CUEDC1: variants seen among roughly 807,000 people sequenced by gnomAD.
CUEDC1 encodes the protein CUE domain containing 1.
CUEDC1 carries 30 observed loss-of-function variants against 43.7 expected under a neutral mutation model. That is an observed-to-expected ratio of 0.69 (90% confidence interval 0.51 to 0.93). CUEDC1 has a LOEUF of 0.93. Ranked by LOEUF, CUEDC1 falls within the 40% of genes least tolerant of loss-of-function variation. The pLI, the probability that CUEDC1 is intolerant of heterozygous loss-of-function variation, is 0.00. For synonymous variants in CUEDC1, 223 were observed against 223.6 expected, an observed-to-expected ratio of 1.00 and a Z score of 0.02; for missense variants, 486 against 549.0, an observed-to-expected ratio of 0.89 and a Z score of 1.15.
intron 10 of CUEDC1, among the ~76,000 whole-genome samples, chr17:57,866,149 G>A (rs2073954372): frequency 6.6e-6 from 1 of 152,172 alleles, no homozygotes; most frequent in South Asian, 2.1e-4. Flanking sequence ...TCCTCTCAGT[G>A]TGCTACGTGT....
intron 1 of CUEDC1, among the ~76,000 whole-genome samples, chr17:57,903,547 G>A (rs1157765255): frequency 6.6e-6 from 1 of 152,164 alleles, no homozygotes; most frequent in African/African-American, 2.4e-5. Flanking sequence ...GTGGAAGTCA[G>A]CTTAGACAGG....
intron 1 of CUEDC1, among the ~76,000 whole-genome samples, chr17:57,918,448 G>C (rs1029453100): frequency 1.3e-5 from 2 of 152,210 alleles, no homozygotes. Context: ...AAGAGACAAC[G>C]GAAGAATGCA....
At chr17:57,951,498 G>T (rs1461072962) in intron 1 of CUEDC1, among the ~76,000 whole-genome samples, 1 of 151,670 alleles carries the variant, frequency 6.6e-6, no homozygotes, top group Non-Finnish European at 1.5e-5. Context: ...TCACTCTGTT[G>T]TCCAGGCTAG....
Position 57,885,461 on chromosome 17 carries a change from T to C in CUEDC1, c.104A>G (p.Asn35Ser). ...GCGCACCTGGCGGGCAGGCCGGCTG[T>C]TGTTGAGCTCCTGGGGGGCGGCCGT... The part of the protein sequence containing the change: ...GGTAAPQELN[N>S]SRPARQVRRL... The change falls in exon 2 of 11, where the codon AAC (asparagine) becomes AGC (serine). Residue 35 changes from asparagine to serine, a missense_variant. Transcript: ENST00000577830. 6.3e-7 allele frequency: 1 copy of C among 1,592,822 alleles called. No homozygotes were observed. Among genetic ancestry groups the C allele is most frequent in the South Asian group, 1.1e-5 (1 of 88,126 alleles).
intron 1 of CUEDC1, among the ~76,000 whole-genome samples, chr17:57,941,531 G>A (rs933306575): frequency 5.3e-5 from 8 of 152,194 alleles, no homozygotes; most frequent in Non-Finnish European, 1.5e-5. Context: ...AAAGGTGTCT[G>A]CTGTATGCCA....
chr17:57,868,044 G>T, intron 8 of CUEDC1, 106 bp downstream of exon 8: 2 of 904,898 alleles, frequency 2.2e-6, no homozygotes, highest in South Asian at 1.4e-5. Flanking sequence ...CACAGAGCCG[G>T]GTTCCACTCC....
intron 6 of CUEDC1, 33 bp from the exon 7 acceptor site, chr17:57,869,226 C>T (rs752557322): frequency 8.1e-6 from 13 of 1,600,238 alleles, no homozygotes; most frequent in East Asian, 2.2e-5. Context: ...GGCCGGCCAC[C>T]GTGGCCAGCC....
intron 1 of CUEDC1, among the ~76,000 whole-genome samples, chr17:57,929,000 C>A (rs1471984887): frequency 6.9e-6 from 1 of 145,834 alleles, no homozygotes; most frequent in African/African-American, 2.7e-5. Flanking sequence ...CAGAAATTAG[C>A]AGGCGGGGAA....
rs200297581 is a variant in CUEDC1, at chr17:57,873,740, G to A, written c.465-23C>T. 1.5e-4 allele frequency: 234 copies of A among 1,540,662 alleles called. No individual in the cohort carries two copies. The African/African-American group carries it at 2.7e-3, about 18-fold the overall frequency. On this transcript the variant is annotated intron_variant, in intron 3 of 10. Coordinates refer to ENST00000577830, the MANE Select transcript of CUEDC1 (RefSeq NM_001271875.2). ...ATACTAGGGGATGGCAGGTGACAGG[G>A]AAGAGGAAGTCATTAAGCCCAACCC...
intron 1 of CUEDC1, among the ~76,000 whole-genome samples, chr17:57,911,793 CA>C (rs1310755873): frequency 6.6e-6 from 1 of 152,194 alleles, no homozygotes; most frequent in African/African-American, 2.4e-5. Flanking sequence ...AGGCATGAGC[CA>C]CCGTGCCCGT....
chr17:57,865,650 G>A (rs141822099), intron 10 of CUEDC1, among the ~76,000 whole-genome samples: 265 of 152,206 alleles, frequency 1.7e-3, no homozygotes, highest in African/African-American at 6.1e-3. Flanking sequence ...GGGTGCACAG[G>A]AAGCGAGGAG....
intron 1 of CUEDC1, among the ~76,000 whole-genome samples, chr17:57,943,070 T>G (rs763226115): frequency 2.0e-5 from 3 of 152,126 alleles, no homozygotes; most frequent in Non-Finnish European, 4.4e-5. Flanking sequence ...ATATGTGAAT[T>G]TTACCAGTAG....
At chr17:57,887,950 G>A (rs2074314821) in intron 1 of CUEDC1, among the ~76,000 whole-genome samples, 1 of 146,022 alleles carries the variant, frequency 6.8e-6, no homozygotes, top group Non-Finnish European at 1.5e-5. Flanking sequence ...GCCCAGGCCG[G>A]AGTGCAGTGG....
chr17:57,921,401 C>A (rs1386721930), intron 1 of CUEDC1, among the ~76,000 whole-genome samples: 1 of 152,214 alleles, frequency 6.6e-6, no homozygotes, highest in African/African-American at 2.4e-5. Context: ...CACCCTCACT[C>A]ATTCCATTCC....
intron 1 of CUEDC1, among the ~76,000 whole-genome samples, chr17:57,912,773 T>C (rs1348230800): frequency 6.6e-6 from 1 of 152,180 alleles, no homozygotes; most frequent in Non-Finnish European, 1.5e-5. Context: ...TCTAAACGTA[T>C]ACAGGCCTAC....
intron 1 of CUEDC1, among the ~76,000 whole-genome samples, chr17:57,896,255 G>A (rs2074406937): frequency 6.6e-6 from 1 of 152,094 alleles, no homozygotes; most frequent in Non-Finnish European, 1.5e-5. Context: ...ATGGGCATAA[G>A]GATATTCCTT....
At chr17:57,915,030 G>T (rs761010880) in intron 1 of CUEDC1, 4 of 152,230 alleles carry the variant, frequency 2.6e-5, no homozygotes. Flanking sequence ...CTCAGGCATT[G>T]TTCTGCTGGA....
chr17:57,872,589 C>T, intron 5 of CUEDC1, 74 bp downstream of exon 5: 2 of 1,542,402 alleles, frequency 1.3e-6, no homozygotes, highest in Non-Finnish European at 1.8e-6. Context: ...TCAGTGTTTT[C>T]CTGAGCCCCA....
chr17:57,885,660 C>T lies in CUEDC1; in HGVS notation c.-96G>A, dbSNP rs539870265. 129 of 1,323,644 alleles carry T rather than the reference C, an allele frequency of 9.7e-5. No individual in the cohort carries two copies. The African/African-American group carries it at 1.7e-3, about 18-fold the overall frequency. The allele number at this position is 1,323,644 out of a possible 1,614,324, so 82.0% of individuals were successfully genotyped here. A position where few individuals can be genotyped will look rare whatever the true frequency, so the allele number is the denominator to read the frequency against. ...CAGCCGCTTACTTGCCCTGCGGTCT[C>T]GGGCAGCTCACTCCTGCGCCTCCTC... On this transcript the variant is annotated 5_prime_UTR_variant, in exon 2 of 11. Transcript: ENST00000577830.
Sources: gnomAD v4.1 joint callset for allele counts (sites outside exome capture counted in the v4.1 genomes callset) on GRCh38, gnomAD v4.1.1 for gene constraint, MANE v1.5 for transcripts, NCBI Gene and HGNC (gene_info 2026-07-23, HGNC 2026-07-21) for gene names.